Variants in ANKRD42 observed in about 807,000 individuals in gnomAD.
ANKRD42 encodes ankyrin repeat domain-containing protein 42.
A neutral mutation model predicts 51.5 loss-of-function variants in ANKRD42; 43 were observed. The ratio of observed to expected loss-of-function variants is 0.83; its 90% CI spans 0.65 to 1.08. ANKRD42 has a LOEUF of 1.08. ANKRD42 is among the 50% of genes least tolerant of loss of function. ANKRD42 has a pLI of 0.00. For synonymous variants in ANKRD42, 203 were observed against 213.0 expected (o/e 0.95, Z 0.41); for missense variants, 608 against 629.3 (o/e 0.97, Z 0.36).
At chr11:83,244,986 T>C (rs997142947) in intron 9 of ANKRD42, among the ~76,000 whole-genome samples, 10 of 151,924 alleles carry the variant, frequency 6.6e-5, no homozygotes, top group Non-Finnish European at 1.5e-5. Context: ...CTCACTGCAG[T>C]CTCTGCCTCC....
intron 8 of ANKRD42, among the ~76,000 whole-genome samples, chr11:83,240,448 T>A (rs1291028535): frequency 6.6e-6 from 1 of 152,246 alleles, no homozygotes; most frequent in Admixed American, 6.5e-5. Context: ...TTCTATTCAG[T>A]TGAGCAGCTC....
chr11:83,243,422 G>C (rs1410411838), intron 9 of ANKRD42, among the ~76,000 whole-genome samples: 1 of 151,954 alleles, frequency 6.6e-6, no homozygotes, highest in African/African-American at 2.4e-5. Flanking sequence ...TTTCTTCCTG[G>C]AGCTAATTCC....
intron 5 of ANKRD42, chr11:83,214,438 G>A (rs1862450223): frequency 1.0e-6 from 1 of 981,828 alleles, no homozygotes; most frequent in African/African-American, 1.8e-5. Flanking sequence ...TGTTGGTCTT[G>A]TCTGGTCATT....
chr11:83,213,401 A>G, intron 5 of ANKRD42: 2 of 1,567,514 alleles, frequency 1.3e-6, no homozygotes, highest in Non-Finnish European at 1.7e-6. Flanking sequence ...AAGAAAATGA[A>G]TAGACAGCTC....
intron 3 of ANKRD42, 92 bp from the exon 4 acceptor site, chr11:83,210,208 T>A: frequency 7.8e-7 from 1 of 1,277,408 alleles, no homozygotes; most frequent in East Asian, 2.4e-5. Flanking sequence ...AGCTATAGAT[T>A]AATAAATTGC....
chr11:83,224,979 G>C lies in ANKRD42; in HGVS notation c.711G>C (p.Gln237His). The C allele has an allele frequency of 6.2e-7, 1 of 1,613,770 alleles. No individual in the cohort carries two copies. Residue 237 changes from glutamine to histidine, a missense_variant, in exon 6 of 11, where the codon CAG (glutamine) becomes CAC (histidine). Coordinates refer to ENST00000533342, the MANE Select transcript of ANKRD42 (RefSeq NM_001300975.2). ...GAGAAAATGTACTGGATTTGGCCCA[G>C]AGGTTCTTCAAGCAGAACATTTTAC... is the stretch of plus-strand genomic sequence containing the variant. ...DNGENVLDLA[Q>H]RFFKQNILQF...
At chr11:83,246,298 T>C (rs1863541043) in intron 10 of ANKRD42, among the ~76,000 whole-genome samples, 1 of 152,240 alleles carries the variant, frequency 6.6e-6, no homozygotes, top group Non-Finnish European at 1.5e-5. Context: ...CTATAATAAG[T>C]AATCTAGAGA....
intron 1 of ANKRD42, among the ~76,000 whole-genome samples, chr11:83,196,388 AGTGTGT>A (rs1409926002): frequency 4.4e-5 from 5 of 114,734 alleles, no homozygotes; most frequent in African/African-American, 1.4e-4. Flanking sequence ...TTTGTGTGTG[AGTGTGT>A]GAGAGTGTGT....
intron 5 of ANKRD42, among the ~76,000 whole-genome samples, chr11:83,220,770 TA>T (rs1432453648): frequency 6.6e-6 from 1 of 152,200 alleles, no homozygotes; most frequent in East Asian, 1.9e-4. Context: ...GGGGCACCTT[TA>T]TATGTTATTC....
In ANKRD42 at chr11:83,236,461, G is replaced by A. The variant is rs1450382798; in HGVS notation, c.971G>A (p.Ser324Asn). 6.2e-7 allele frequency: 1 copy of A among 1,612,434 alleles called. No homozygotes were observed. The highest frequency in any genetic ancestry group is 1.7e-5 in the Admixed American group (1 of 59,790). The change falls in exon 8 of 11, where the codon AGT becomes AAT. Residue 324 changes from serine to asparagine, a missense_variant. Physicochemically the swap from Ser to Asn is conservative, Grantham distance 46. Coordinates refer to ENST00000533342, the MANE Select transcript of ANKRD42 (RefSeq NM_001300975.2). ...TGGTTAATTAAAATGGGAGCAGACA[G>A]TAATATTACCAACAAAGCAGGGGAG... ...LQWLIKMGAD[S>N]NITNKAGERP...
chr11:83,219,251 G>A (rs773449427), intron 5 of ANKRD42, among the ~76,000 whole-genome samples: 1 of 152,180 alleles, frequency 6.6e-6, no homozygotes, highest in Non-Finnish European at 1.5e-5. Flanking sequence ...GCTTACCAGC[G>A]GGATGGAAAC....
intron 1 of ANKRD42, 37 bp downstream of exon 1, chr11:83,194,765 A>G: frequency 1.3e-6 from 2 of 1,533,724 alleles, no homozygotes; most frequent in Non-Finnish European, 1.8e-6. Context: ...TCTCTGTCGT[A>G]TTCCTTTTCT....
At chr11:83,204,880 A>G (rs79988324) in intron 2 of ANKRD42, among the ~76,000 whole-genome samples, 27 of 152,362 alleles carry the variant, frequency 1.8e-4, no homozygotes, top group African/African-American at 6.5e-4. Context: ...CAAAGAGTAC[A>G]TATGGATGGC....
chr11:83,230,033 A>G (rs954698921), intron 7 of ANKRD42, among the ~76,000 whole-genome samples: 8 of 152,250 alleles, frequency 5.3e-5, no homozygotes, highest in South Asian at 2.1e-4. Context: ...AAAATGTACA[A>G]TTAAGTTATT....
intron 5 of ANKRD42, among the ~76,000 whole-genome samples, chr11:83,220,889 G>A (rs993333362): frequency 6.7e-6 from 1 of 149,276 alleles, no homozygotes; most frequent in Admixed American, 6.6e-5. Context: ...GAATCTGTTT[G>A]GTGTTCTGAG....
intron 1 of ANKRD42, among the ~76,000 whole-genome samples, chr11:83,195,845 C>CTTT (rs573093104): frequency 5.1e-5 from 7 of 138,446 alleles, no homozygotes; most frequent in African/African-American, 1.6e-4. Context: ...CTCTCTCTCT[C>CTTT]TTTTTTTTTT....
At chr11:83,198,192 G>C (rs1861733031) in intron 1 of ANKRD42, among the ~76,000 whole-genome samples, 1 of 152,130 alleles carries the variant, frequency 6.6e-6, no homozygotes, top group Non-Finnish European at 1.5e-5. Flanking sequence ...TCCAGATTTG[G>C]GGTGGCAGTT....
chr11:83,242,651 C>T (rs576181430), intron 9 of ANKRD42, among the ~76,000 whole-genome samples: 4 of 149,638 alleles, frequency 2.7e-5, no homozygotes, highest in Admixed American at 6.7e-5. Flanking sequence ...CTGCAACCTC[C>T]GCCTCCTGGG....
At chr11:83,257,513 C>T (rs1863795704), downstream of ANKRD42, among the ~76,000 whole-genome samples, 1 of 152,158 alleles carries the variant, frequency 6.6e-6, no homozygotes, top group African/African-American at 2.4e-5. Context: ...CCTTAACTAT[C>T]TCTTAATTCT....
Sources: gnomAD v4.1 joint callset for allele counts (sites outside exome capture counted in the v4.1 genomes callset) on GRCh38, gnomAD v4.1.1 for gene constraint, MANE v1.5 for transcripts, NCBI Gene and HGNC (gene_info 2026-07-23, HGNC 2026-07-21) for gene names.